Variants in SIPA1L1 observed in about 807,000 individuals in gnomAD.
The protein encoded by SIPA1L1 is signal induced proliferation associated 1 like 1, also known as signal-induced proliferation-associated 1-like protein 1.
A neutral mutation model predicts 162.7 loss-of-function variants in SIPA1L1; 26 were observed. The ratio of observed to expected loss-of-function variants is 0.16; its 90% CI spans 0.12 to 0.22. The LOEUF (loss-of-function observed/expected upper bound fraction) is 0.22. Ranked by LOEUF, SIPA1L1 falls within the 10% of genes least tolerant of loss-of-function variation. The pLI is 1.00. For missense variants in SIPA1L1, 1,874 were observed against 2,241.0 expected (o/e 0.84, Z 3.31); for synonymous variants, 829 against 837.4 (o/e 0.99, Z 0.17).
intron 17 of SIPA1L1, among the ~76,000 whole-genome samples, chr14:71,718,248 C>T (rs2083418338): frequency 6.6e-6 from 1 of 152,178 alleles, no homozygotes; most frequent in South Asian, 2.1e-4. Flanking sequence ...TACTGAAGTG[C>T]ACAGCTTCAT....
intron 15 of SIPA1L1, chr14:71,704,624 A>C (rs1217503172): frequency 1.2e-6 from 1 of 813,954 alleles, no homozygotes; most frequent in Admixed American, 1.9e-5. Context: ...TTTATCTCTC[A>C]CTTTTGGAAC....
Position 71,546,419 on chromosome 14 carries a change from A to G in SIPA1L1, c.-303+17049A>G, listed in dbSNP as rs1283173749. 8.0e-5 allele frequency among the ~76,000 whole-genome samples: 9 copies of G among 113,038 alleles called. 1 individual carries two copies. The South Asian group carries it at 2.3e-3, about 29-fold the overall frequency. The allele number at this position is 113,038 out of a possible 152,430, so 74.2% of individuals were successfully genotyped here. ...GAGATGGAGTCTCGCACTGTCCCCC[A>G]GGCTGGAGTGCAGGTGCAGTGGCAC... On this transcript the variant is annotated intron_variant, in intron 4 of 23. Transcript: ENST00000381232.
At chr14:71,609,438 TTTTATTTATTTATTTATTTATTTA>T (rs57449706) in intron 5 of SIPA1L1, among the ~76,000 whole-genome samples, 1 of 140,102 alleles carries the variant, frequency 7.1e-6, no homozygotes. Flanking sequence ...CCAGCTAATA[TTTTATTTATTTATTTATTTATTTA>T]TTTATTTATT....
chr14:71,491,520 T>TTTGTTGTTGTTG (rs71105781), intron 2 of SIPA1L1, among the ~76,000 whole-genome samples: 3 of 151,018 alleles, frequency 2.0e-5, no homozygotes, highest in African/African-American at 7.3e-5. Context: ...GAGCAACCTG[T>TTTGTTGTTGTTG]TTGTTGTTGT....
At chr14:71,604,072 C>A (rs958638407) in intron 5 of SIPA1L1, among the ~76,000 whole-genome samples, 2 of 148,662 alleles carry the variant, frequency 1.3e-5, no homozygotes, top group South Asian at 2.1e-4. Flanking sequence ...TCTCAGCTAA[C>A]TGCAACCTCT....
At chr14:71,582,862 A>G (rs1470573976) in intron 4 of SIPA1L1, among the ~76,000 whole-genome samples, 3 of 152,220 alleles carry the variant, frequency 2.0e-5, no homozygotes, top group African/African-American at 7.2e-5. Context: ...ACGCTGATTC[A>G]TAAATCTTAA....
At chr14:71,617,045 GC>G in intron 5 of SIPA1L1, among the ~76,000 whole-genome samples, 1 of 152,138 alleles carries the variant, frequency 6.6e-6, no homozygotes, top group African/African-American at 2.4e-5. Context: ...GTTGATCTGT[GC>G]TGCAGCGGTA....
chr14:71,388,836 G>T (rs1048621778), intron 2 of SIPA1L1, among the ~76,000 whole-genome samples: 1 of 152,124 alleles, frequency 6.6e-6, no homozygotes, highest in African/African-American at 2.4e-5. Flanking sequence ...CTACATTTTA[G>T]CCAGGATTCA....
intron 14 of SIPA1L1, 42 bp from the exon 15 acceptor site, chr14:71,702,339 A>G (rs775310797): frequency 1.9e-6 from 3 of 1,608,728 alleles, no homozygotes; most frequent in Non-Finnish European, 2.5e-6. Flanking sequence ...CTCATGGGTA[A>G]GGTCCCTGAT....
At chr14:71,691,486 TG>T (rs2081251664) in intron 13 of SIPA1L1, among the ~76,000 whole-genome samples, 1 of 152,088 alleles carries the variant, frequency 6.6e-6, no homozygotes. Context: ...CTCAGCTACT[TG>T]GGAGGCTGAG....
At chr14:71,625,674 T>G (rs1266342416) in intron 7 of SIPA1L1, among the ~76,000 whole-genome samples, 1 of 152,234 alleles carries the variant, frequency 6.6e-6, no homozygotes, top group Non-Finnish European at 1.5e-5. Flanking sequence ...TTCTGAACAT[T>G]TATTCTAACA....
intron 4 of SIPA1L1, among the ~76,000 whole-genome samples, chr14:71,544,326 A>T (rs890019555): frequency 6.6e-6 from 1 of 151,504 alleles, no homozygotes; most frequent in Non-Finnish European, 1.5e-5. Context: ...ATATGTATAT[A>T]CATATATCAT....
intron 2 of SIPA1L1, among the ~76,000 whole-genome samples, chr14:71,435,624 C>T (rs551439607): frequency 1.3e-5 from 2 of 152,030 alleles, no homozygotes; most frequent in Non-Finnish European, 1.5e-5. Flanking sequence ...TGGATAGTGC[C>T]GCAATAAACA....
At chr14:71,363,383 G>A (rs1233469494) in intron 2 of SIPA1L1, among the ~76,000 whole-genome samples, 9 of 151,744 alleles carry the variant, frequency 5.9e-5, no homozygotes, top group African/African-American at 1.7e-4. Context: ...CAGAAACAAC[G>A]TAATCACCCT....
intron 2 of SIPA1L1, among the ~76,000 whole-genome samples, chr14:71,451,502 G>A (rs2141553161): frequency 6.6e-6 from 1 of 151,904 alleles, no homozygotes; most frequent in African/African-American, 2.4e-5. Context: ...AGGCATAGTG[G>A]TGCATGCCTG....
At position 71,685,581 on chromosome 14, in the gene SIPA1L1, C is replaced by T. The variant is rs565805092; in HGVS notation, c.3324C>T (p.Ala1108=). 2.9e-5 allele frequency: 47 copies of T among 1,614,064 alleles called. No homozygotes were observed. The highest frequency in any genetic ancestry group is 5.5e-5 in the South Asian group (5 of 91,084). ...GDGKMPPPER[A]ANIPRSISSD... ...GGAAGATGCCTCCTCCAGAAAGAGC[C>T]GCCAACATCCCTCGAAGCATCTCCA... Residue 1108 remains alanine (A), a synonymous_variant, in exon 13 of 24, where the codon GCC becomes GCT. Coordinates refer to ENST00000381232, the MANE Select transcript of SIPA1L1 (RefSeq NM_001386936.1).
intron 2 of SIPA1L1, among the ~76,000 whole-genome samples, chr14:71,323,337 T>G (rs2033361421): frequency 6.6e-6 from 1 of 152,190 alleles, no homozygotes; most frequent in African/African-American, 2.4e-5. Flanking sequence ...TTTAAAAATC[T>G]GTTTGAGCTG....
At chr14:71,662,601 G>A (rs768118674) in intron 10 of SIPA1L1, among the ~76,000 whole-genome samples, 2 of 152,134 alleles carry the variant, frequency 1.3e-5, no homozygotes, top group African/African-American at 4.8e-5. Context: ...TCTTAACCAC[G>A]CTGCTATGCC....
chr14:71,592,994 A>G (rs1271299036), intron 5 of SIPA1L1, among the ~76,000 whole-genome samples: 1 of 152,170 alleles, frequency 6.6e-6, no homozygotes, highest in East Asian at 1.9e-4. Flanking sequence ...TATAGCTAAC[A>G]TGCATCATGT....
Sources: gnomAD v4.1 joint callset for allele counts (sites outside exome capture counted in the v4.1 genomes callset) on GRCh38, gnomAD v4.1.1 for gene constraint, MANE v1.5 for transcripts, NCBI Gene and HGNC (gene_info 2026-07-23, HGNC 2026-07-21) for gene names.